PLXDC2: variants seen among roughly 807,000 people sequenced by gnomAD.
The protein encoded by PLXDC2 is plexin domain-containing protein 2.
A neutral mutation model predicts 68.9 loss-of-function variants in PLXDC2; 40 were observed. The ratio of observed to expected loss-of-function variants is 0.58; its 90% CI spans 0.45 to 0.76. The LOEUF (loss-of-function observed/expected upper bound fraction) is 0.76. PLXDC2 is among the 30% of genes least tolerant of loss of function. The pLI, the probability that PLXDC2 is intolerant of heterozygous loss-of-function variation, is 0.00. For synonymous variants in PLXDC2, 243 were observed against 234.2 expected (o/e 1.04, Z -0.34); for missense variants, 644 against 661.9 (o/e 0.97, Z 0.30).
At chr10:20,104,445 C>T (rs1476419930) in intron 4 of PLXDC2, among the ~76,000 whole-genome samples, 1 of 152,076 alleles carries the variant, frequency 6.6e-6, no homozygotes, top group Non-Finnish European at 1.5e-5. Flanking sequence ...TGTAAGAATT[C>T]CCTGAAGACT....
chr10:20,214,503 T>G (rs1835110498), intron 10 of PLXDC2, among the ~76,000 whole-genome samples: 1 of 152,178 alleles, frequency 6.6e-6, no homozygotes, highest in African/African-American at 2.4e-5. Flanking sequence ...TTGGATTTTT[T>G]TCCTCAGGGC....
At chr10:20,153,471 A>G (rs1834177004) in intron 6 of PLXDC2, among the ~76,000 whole-genome samples, 1 of 152,094 alleles carries the variant, frequency 6.6e-6, no homozygotes. Context: ...AACTACCTGA[A>G]GTTTTCAGTG....
intron 2 of PLXDC2, among the ~76,000 whole-genome samples, chr10:20,011,866 T>C (rs540535260): frequency 5.3e-4 from 80 of 152,324 alleles, no homozygotes; most frequent in Middle Eastern, 3.4e-3. Context: ...CTAATGCCAG[T>C]TGGGTACACG....
intron 13 of PLXDC2, among the ~76,000 whole-genome samples, chr10:20,262,294 A>G (rs1175224160): frequency 6.6e-6 from 1 of 152,234 alleles, no homozygotes; most frequent in Non-Finnish European, 1.5e-5. Context: ...TATTTGCTCT[A>G]CAGAAGCTTT....
intron 1 of PLXDC2, among the ~76,000 whole-genome samples, chr10:19,846,950 A>G (rs1476093038): frequency 6.6e-6 from 1 of 152,144 alleles, no homozygotes; most frequent in Non-Finnish European, 1.5e-5. Context: ...AGCGGGCAAG[A>G]GAGAGCGTGT....
At chr10:20,004,345 T>C (rs1834990318) in intron 2 of PLXDC2, among the ~76,000 whole-genome samples, 1 of 152,210 alleles carries the variant, frequency 6.6e-6, no homozygotes, top group Non-Finnish European at 1.5e-5. Context: ...AGTCTTATGA[T>C]ATCTATAAGA....
At chr10:20,020,217 A>C (rs1489434553) in intron 2 of PLXDC2, among the ~76,000 whole-genome samples, 1 of 106,728 alleles carries the variant, frequency 9.4e-6, no homozygotes, top group Non-Finnish European at 1.8e-5. Flanking sequence ...AGGTTGTCTT[A>C]TTATGTTACC....
Position 20,225,000 on chromosome 10 carries a change from G to A in PLXDC2, c.1312+5898G>A, listed in dbSNP as rs1835267201. Reference sequence around the variant, plus strand: ...GTGTCCCCATCAAGGAGATACCAAAGTTGATATGTTAAGCAGTTTGAAGAT... The same window carrying A: ...GTGTCCCCATCAAGGAGATACCAAAATTGATATGTTAAGCAGTTTGAAGAT... On this transcript the variant is annotated intron_variant, in intron 12 of 13. Coordinates refer to ENST00000377252, the MANE Select transcript of PLXDC2 (RefSeq NM_032812.9). Among the ~76,000 whole-genome samples, 5 of 152,132 alleles carry A rather than the reference G, an allele frequency of 3.3e-5. No homozygotes were observed. The South Asian group carries it at 1.0e-3, about 32-fold the overall frequency.
intron 13 of PLXDC2, among the ~76,000 whole-genome samples, chr10:20,258,029 T>C (rs1835765047): frequency 7.3e-6 from 1 of 137,020 alleles, no homozygotes; most frequent in Non-Finnish European, 1.5e-5. Flanking sequence ...TGAGACAGAG[T>C]TTTGCACAGC....
intron 1 of PLXDC2, among the ~76,000 whole-genome samples, chr10:19,962,383 A>G (rs1019810005): frequency 8.9e-5 from 1 of 11,252 alleles, no homozygotes; most frequent in Non-Finnish European, 2.0e-4. Context: ...ACCCATCTTT[A>G]CTTTTTTTTT....
intron 9 of PLXDC2, among the ~76,000 whole-genome samples, chr10:20,204,398 C>T (rs1413454872): frequency 1.3e-5 from 2 of 152,120 alleles, no homozygotes; most frequent in Admixed American, 1.3e-4. Context: ...TTTATCATCT[C>T]ATTTAAAATA....
At chr10:19,866,589 C>A (rs935768767) in intron 1 of PLXDC2, among the ~76,000 whole-genome samples, 4 of 152,120 alleles carry the variant, frequency 2.6e-5, no homozygotes, top group Non-Finnish European at 5.9e-5. Flanking sequence ...CCATTCTGTT[C>A]CCAAACTGAT....
At chr10:19,920,473 G>A (rs568932935) in intron 1 of PLXDC2, among the ~76,000 whole-genome samples, 26 of 152,376 alleles carry the variant, frequency 1.7e-4, no homozygotes, top group African/African-American at 6.2e-4. Context: ...GTGGCTGGAT[G>A]TCAAGAGGAA....
chr10:20,074,849 G>T (rs750786314), intron 4 of PLXDC2, among the ~76,000 whole-genome samples: 1 of 135,894 alleles, frequency 7.4e-6, no homozygotes, highest in Non-Finnish European at 1.5e-5. Context: ...GGGAGAAGGT[G>T]AATGGAGTTG....
intron 4 of PLXDC2, among the ~76,000 whole-genome samples, chr10:20,094,973 C>A (rs139769405): frequency 6.6e-6 from 1 of 152,242 alleles, no homozygotes; most frequent in Non-Finnish European, 1.5e-5. Context: ...AGGCTCAAGC[C>A]TTCTAGAACT....
At chr10:20,115,308 G>A (rs1164057722) in intron 4 of PLXDC2, among the ~76,000 whole-genome samples, 1 of 152,148 alleles carries the variant, frequency 6.6e-6, no homozygotes, top group Admixed American at 6.5e-5. Context: ...TTCCTTTTGC[G>A]AGATGGTCTG....
At chr10:20,243,156 G>C (rs572897313) in intron 12 of PLXDC2, among the ~76,000 whole-genome samples, 1 of 152,332 alleles carries the variant, frequency 6.6e-6, no homozygotes, top group South Asian at 2.1e-4. Flanking sequence ...TCATTGAGGA[G>C]GTATTGATCA....
intron 6 of PLXDC2, among the ~76,000 whole-genome samples, chr10:20,149,049 T>A (rs1396743339): frequency 6.6e-6 from 1 of 152,106 alleles, no homozygotes; most frequent in Non-Finnish European, 1.5e-5. Flanking sequence ...TTACTCTATG[T>A]TTCTTTGTCC....
At chr10:20,221,027 G>C (rs1388899018) in intron 12 of PLXDC2, among the ~76,000 whole-genome samples, 1 of 151,888 alleles carries the variant, frequency 6.6e-6, no homozygotes, top group East Asian at 1.9e-4. Flanking sequence ...ATTTTTAATA[G>C]AGACGGGGTT....
Sources: gnomAD v4.1 joint callset for allele counts (sites outside exome capture counted in the v4.1 genomes callset) on GRCh38, gnomAD v4.1.1 for gene constraint, MANE v1.5 for transcripts, NCBI Gene and HGNC (gene_info 2026-07-23, HGNC 2026-07-21) for gene names.